The following DST variants were observed in gnomAD, a reference collection of about 807,000 sequenced individuals.
DST encodes dystonin.
DST carries 253 observed loss-of-function variants against 875.2 expected under a neutral mutation model. The ratio of observed to expected loss-of-function variants is 0.29; its 90% CI spans 0.26 to 0.32. The LOEUF is 0.32. Ranked by LOEUF, DST falls within the 10% of genes least tolerant of loss-of-function variation. The probability of loss-of-function intolerance (pLI) is 1.00; values close to 1 mark genes in which losing one functional copy is unlikely to be tolerated. For missense variants in DST, 8,287 were observed against 9,111.6 expected (o/e 0.91, Z 3.68); for synonymous variants, 3,124 against 3,197.1 (o/e 0.98, Z 0.77).
intron 2 of DST, among the ~76,000 whole-genome samples, chr6:56,909,152 C>G (rs1229277358): frequency 1.3e-5 from 2 of 152,166 alleles, no homozygotes; most frequent in Non-Finnish European, 2.9e-5. Context: ...TTATTCAACG[C>G]ATTAATTAAA....
rs115769526 is a variant in DST, at chr6:56,737,863, T to A, written c.626-2574A>T. On this transcript the variant is annotated intron_variant, in intron 4 of 103. Transcript: ENST00000680361. ...AATCATATTATGTACAAAATGTAAC[T>A]ATGAGAATATAAATCAGAGTGCTTA... Among the ~76,000 whole-genome samples, 501 of 152,328 alleles carry A rather than the reference T, an allele frequency of 3.3e-3. 4 individuals carry two copies. Among genetic ancestry groups the A allele is most frequent in the African/African-American group, 0.012 (485 of 41,578 alleles).
At chr6:56,679,745 CTGG>C (rs1358167798) in intron 9 of DST, among the ~76,000 whole-genome samples, 3 of 152,064 alleles carry the variant, frequency 2.0e-5, no homozygotes, top group African/African-American at 7.2e-5. Flanking sequence ...ACACTCCAGC[CTGG>C]TGAAAGTAAA....
chr6:56,881,141 G>T (rs1051436449), intron 3 of DST, among the ~76,000 whole-genome samples: 1 of 150,324 alleles, frequency 6.7e-6, no homozygotes, highest in Non-Finnish European at 1.5e-5. Context: ...GAGCCACCAC[G>T]CCCAGCATAA....
intron 3 of DST, among the ~76,000 whole-genome samples, chr6:56,884,972 C>T (rs1046376682): frequency 1.1e-4 from 16 of 152,084 alleles, no homozygotes; most frequent in South Asian, 6.2e-4. Context: ...CCTCATGATC[C>T]GCCCACCTCG....
chr6:56,876,613 T>C (rs968820750), intron 3 of DST, among the ~76,000 whole-genome samples: 2 of 152,220 alleles, frequency 1.3e-5, no homozygotes, highest in African/African-American at 4.8e-5. Context: ...CCACCCTCTA[T>C]CTTGGATCAG....
At chr6:56,921,669 A>C (rs974131916) in intron 2 of DST, among the ~76,000 whole-genome samples, 2 of 152,206 alleles carry the variant, frequency 1.3e-5, no homozygotes, top group African/African-American at 4.8e-5. Context: ...ATAATATATT[A>C]GAATAGGTGT....
In DST at chr6:56,779,778, GGTTA is replaced by G. The variant is rs1322616649; in HGVS notation, c.626-44493_626-44490del. Among the ~76,000 whole-genome samples, 4 of 150,482 alleles carry G rather than the reference GGTTA, an allele frequency of 2.7e-5. No homozygotes were observed. In the East Asian group the frequency reaches 7.8e-4, roughly 29 times the overall value. On this transcript the variant is annotated intron_variant, in intron 4 of 103. Transcript: ENST00000680361. Reference sequence around the variant, plus strand: ...TTAGGGTACATGTGCACAATATGCAGGTTAGTTACATATGTATACATGTGCCATG... The same window carrying G: ...TTAGGGTACATGTGCACAATATGCAGGTTACATATGTATACATGTGCCATG...
At position 56,555,839 on chromosome 6, in the gene DST, A is replaced by G. The variant is rs749416192; in HGVS notation, c.14642T>C (p.Ile4881Thr). ...CCGAGTGGCGAATTCTTGCAGCAAA[A>G]TCTAAGGTAACAAGGGTAAACAAAC... ...MLNTQRQQVQ[I>T]LLQEFATRKP... Residue 4881 changes from isoleucine (I) to threonine (T), a missense_variant and splice_region_variant, in exon 60 of 104, where the codon ATT becomes ACT. This residue lies in a region of DST where 1,513 missense variants were observed against 1,677.8 expected (regional missense o/e 0.90). Transcript: ENST00000680361. 2.0e-6 allele frequency: 3 copies of G among 1,491,838 alleles called. No individual in the cohort carries two copies. The East Asian group carries it at 6.9e-5, about 34-fold the overall frequency. The allele number at this position is 1,491,838 out of a possible 1,614,324, so 92.4% of individuals were successfully genotyped here.
At chr6:56,479,060 A>C (rs2095312994) in intron 90 of DST, among the ~76,000 whole-genome samples, 1 of 152,192 alleles carries the variant, frequency 6.6e-6, no homozygotes, top group South Asian at 2.1e-4. Context: ...AAGGAACTCA[A>C]ACAACTCAAC....
At chr6:56,535,411 T>C in intron 62 of DST, 119 bp from the exon 63 acceptor site, 1 of 1,233,906 alleles carries the variant, frequency 8.1e-7, no homozygotes, top group Non-Finnish European at 1.1e-6. Flanking sequence ...CTTTTACTTT[T>C]CACTTAAAAT....
At chr6:56,934,793 GA>G (rs1486223291) in intron 2 of DST, among the ~76,000 whole-genome samples, 1 of 150,574 alleles carries the variant, frequency 6.6e-6, no homozygotes, top group Admixed American at 6.6e-5. Context: ...CATATACTCA[GA>G]AAACACAAAA....
intron 55 of DST, among the ~76,000 whole-genome samples, chr6:56,564,791 G>A (rs2097627372): frequency 6.6e-6 from 1 of 152,084 alleles, no homozygotes; most frequent in Non-Finnish European, 1.5e-5. Context: ...AGGGTTGAAT[G>A]TTATCGAAGG....
intron 4 of DST, among the ~76,000 whole-genome samples, chr6:56,796,750 T>A (rs1389950923): frequency 6.6e-6 from 1 of 151,658 alleles, no homozygotes; most frequent in Non-Finnish European, 1.5e-5. Flanking sequence ...AATATTGTTA[T>A]ATACTGTAGT....
At chr6:56,560,635 C>T (rs1036617955) in intron 57 of DST, among the ~76,000 whole-genome samples, 1 of 152,002 alleles carries the variant, frequency 6.6e-6, no homozygotes, top group Non-Finnish European at 1.5e-5. Flanking sequence ...CACAGAGGAA[C>T]ACTATGACTA....
Position 56,458,979 on chromosome 6 carries a change from G to A in DST, c.*26C>T, listed in dbSNP as rs767445108. 28 of 1,528,486 alleles carry A rather than the reference G, an allele frequency of 1.8e-5. No individual in the cohort carries two copies. The highest frequency in any genetic ancestry group is 2.5e-5 in the Non-Finnish European group (28 of 1,134,948). The allele number at this position is 1,528,486 out of a possible 1,614,324, so 94.7% of individuals were successfully genotyped here. Reference sequence around the variant, plus strand: ...CAAACTTAAATAATAAATGCTCAAGGAAGGGCCTTGGTAGAACCAATTGCA... The same window carrying A: ...CAAACTTAAATAATAAATGCTCAAGAAAGGGCCTTGGTAGAACCAATTGCA... On this transcript the variant is annotated 3_prime_UTR_variant, in exon 104 of 104. Coordinates refer to ENST00000680361, the MANE Select transcript of DST (RefSeq NM_001374736.1).
intron 4 of DST, among the ~76,000 whole-genome samples, chr6:56,840,657 T>C (rs2099798882): frequency 1.3e-5 from 2 of 152,308 alleles, no homozygotes; most frequent in Non-Finnish European, 2.9e-5. Flanking sequence ...GATACAAGAA[T>C]AGACTGACTA....
intron 4 of DST, among the ~76,000 whole-genome samples, chr6:56,826,859 AG>A (rs2099781081): frequency 6.6e-6 from 1 of 152,226 alleles, no homozygotes; most frequent in Admixed American, 6.5e-5. Context: ...ATGTGTCTTC[AG>A]CAGCATCCTT....
chr6:56,851,520 A>T lies in DST; in HGVS notation c.502T>A (p.Ser168Thr). The change falls in exon 4 of 104, where the codon TCC becomes ACC. Residue 168 changes from serine (S) to threonine (T), a missense_variant. Ser to Thr is a moderately conservative substitution (Grantham distance 58, BLOSUM62 1). Transcript: ENST00000680361. The stretch of plus-strand genomic sequence containing the variant: ...GTGTCTCCCGGAGCTGGGGATGCGG[A>T]GCCAGATTTCTGGCTGAAATCATCC... ...DEDDFSQKSG[S>T]ASPAPGDTLP... 6.2e-7 allele frequency: 1 copy of T among 1,614,026 alleles called. No homozygotes were observed. The highest frequency in any genetic ancestry group is 1.3e-5 in the African/African-American group (1 of 75,062).
At chr6:56,709,536 G>C (rs1364920422) in intron 5 of DST, among the ~76,000 whole-genome samples, 2 of 152,160 alleles carry the variant, frequency 1.3e-5, no homozygotes, top group Non-Finnish European at 2.9e-5. Flanking sequence ...TGACATTATA[G>C]TGGTTGATGT....
Sources: gnomAD v4.1 joint callset for allele counts (sites outside exome capture counted in the v4.1 genomes callset) on GRCh38, gnomAD v4.1.1 for gene constraint, gnomAD v4.1.1 regional missense constraint, MANE v1.5 for transcripts, NCBI Gene and HGNC (gene_info 2026-07-23, HGNC 2026-07-21) for gene names.